ROBO1: variants seen among roughly 807,000 people sequenced by gnomAD.
The protein encoded by ROBO1 is roundabout homolog 1.
Under a neutral mutation model 195.9 loss-of-function variants are expected in ROBO1, and 149 were observed. That is an observed-to-expected ratio of 0.76 (90% CI 0.67 to 0.87). The LOEUF is 0.87. Among genes scored for constraint, ROBO1 ranks in the 40% least tolerant of loss-of-function variants. The pLI is 0.00. For missense variants in ROBO1, 1,933 were observed against 2,068.3 expected (o/e 0.93, Z 1.27); for synonymous variants, 816 against 733.2 (o/e 1.11, Z -1.82).
chr3:79,449,151 A>G (rs531425425), intron 2 of ROBO1, among the ~76,000 whole-genome samples: 2 of 152,234 alleles, frequency 1.3e-5, no homozygotes, highest in South Asian at 4.1e-4. Flanking sequence ...GGCTTGCTTG[A>G]AGCCAAGGTT....
chr3:78,965,561 C>G (rs1280489805), intron 3 of ROBO1, among the ~76,000 whole-genome samples: 1 of 151,962 alleles, frequency 6.6e-6, no homozygotes, highest in African/African-American at 2.4e-5. Context: ...GATTATCATT[C>G]CCAGGACAAG....
intron 2 of ROBO1, among the ~76,000 whole-genome samples, chr3:79,456,741 T>C (rs1023274551): frequency 3.3e-5 from 5 of 152,164 alleles, no homozygotes; most frequent in African/African-American, 1.2e-4. Context: ...ATTTAATAAA[T>C]AGCTATTTTT....
intron 3 of ROBO1, among the ~76,000 whole-genome samples, chr3:79,066,686 GTTC>G (rs1265323241): frequency 5.9e-5 from 9 of 151,852 alleles, no homozygotes; most frequent in East Asian, 3.9e-4. Flanking sequence ...TTCTCTCTTT[GTTC>G]TTCTTTTTAC....
intron 1 of ROBO1, among the ~76,000 whole-genome samples, chr3:79,663,381 C>T (rs1179433331): frequency 6.6e-6 from 1 of 152,050 alleles, no homozygotes; most frequent in Non-Finnish European, 1.5e-5. Context: ...TCAACATATA[C>T]CATTGTGCAC....
intron 4 of ROBO1, among the ~76,000 whole-genome samples, chr3:78,815,657 C>A (rs1191234098): frequency 6.6e-6 from 1 of 151,974 alleles, no homozygotes; most frequent in Non-Finnish European, 1.5e-5. Flanking sequence ...GTTCACAGCA[C>A]CTTCACTAGG....
chr3:78,682,024 T>C (rs373321435), intron 10 of ROBO1, among the ~76,000 whole-genome samples: 214 of 152,290 alleles, frequency 1.4e-3, no homozygotes, highest in African/African-American at 4.9e-3. Context: ...CACTTTATCC[T>C]GAGAACATTA....
chr3:79,367,480 T>C (rs2036022435), intron 2 of ROBO1, among the ~76,000 whole-genome samples: 1 of 152,228 alleles, frequency 6.6e-6, no homozygotes, highest in Non-Finnish European at 1.5e-5. Flanking sequence ...CAAGACTGAA[T>C]TGGAAGATTA....
At chr3:78,787,252 A>T (rs906402897) in intron 4 of ROBO1, among the ~76,000 whole-genome samples, 1 of 152,224 alleles carries the variant, frequency 6.6e-6, no homozygotes, top group South Asian at 2.1e-4. Context: ...TAATAACACT[A>T]ATCAGTAATT....
intron 2 of ROBO1, among the ~76,000 whole-genome samples, chr3:79,173,717 G>T (rs2081211037): frequency 6.6e-6 from 1 of 152,308 alleles, no homozygotes; most frequent in Middle Eastern, 3.4e-3. Flanking sequence ...GGCACAGGGT[G>T]CAGGACCGGC....
At chr3:79,736,099 T>C (rs1379233137) in intron 1 of ROBO1, among the ~76,000 whole-genome samples, 1 of 152,200 alleles carries the variant, frequency 6.6e-6, no homozygotes, top group Non-Finnish European at 1.5e-5. Context: ...GAGGAACTCC[T>C]TTACAAAAGG....
intron 2 of ROBO1, among the ~76,000 whole-genome samples, chr3:79,254,565 T>G (rs1275414198): frequency 6.6e-6 from 1 of 152,024 alleles, no homozygotes; most frequent in Non-Finnish European, 1.5e-5. Flanking sequence ...AGAGAAGAAC[T>G]AATAAAGATA....
chr3:79,241,629 A>G (rs2082519415), intron 2 of ROBO1, among the ~76,000 whole-genome samples: 1 of 151,450 alleles, frequency 6.6e-6, no homozygotes. Context: ...TATTAAACTC[A>G]TCTTACATAA....
rs564530713 is a variant in ROBO1 at position 79,158,760 on chromosome 3, A to G, written c.89-33221T>C. Reference sequence around the variant, plus strand: ...TTTCATTGTGTTATTCTGTTTATTCATGAACCAGCTTCACTCTATGTTCAT... The same window carrying G: ...TTTCATTGTGTTATTCTGTTTATTCGTGAACCAGCTTCACTCTATGTTCAT... On this transcript the variant is annotated intron_variant, in intron 2 of 30. Coordinates refer to ENST00000464233, the MANE Select transcript of ROBO1 (RefSeq NM_002941.4). 3.3e-5 allele frequency among the ~76,000 whole-genome samples: 5 copies of G among 151,888 alleles called. No individual in the cohort carries two copies. The East Asian group carries it at 9.7e-4, about 30-fold the overall frequency.
chr3:79,393,417 TA>T (rs1166870743), intron 2 of ROBO1, among the ~76,000 whole-genome samples: 6 of 152,212 alleles, frequency 3.9e-5, no homozygotes, highest in Non-Finnish European at 8.8e-5. Context: ...ATTCAGTACT[TA>T]AAAGAATAGA....
chr3:78,894,140 C>T (rs541281802), intron 4 of ROBO1, among the ~76,000 whole-genome samples: 3 of 152,130 alleles, frequency 2.0e-5, no homozygotes, highest in South Asian at 2.1e-4. Context: ...ATGGTTCTAA[C>T]GGTGGGAAAA....
At chr3:79,403,737 G>A (rs539544297) in intron 2 of ROBO1, among the ~76,000 whole-genome samples, 10 of 151,906 alleles carry the variant, frequency 6.6e-5, no homozygotes, top group African/African-American at 1.9e-4. Flanking sequence ...CATGAGTATC[G>A]TGAGAAAACC....
intron 2 of ROBO1, among the ~76,000 whole-genome samples, chr3:79,551,556 T>A (rs927745335): frequency 6.6e-6 from 1 of 152,072 alleles, no homozygotes; most frequent in Non-Finnish European, 1.5e-5. Flanking sequence ...TTTTGACAGA[T>A]AAAACAGCAA....
intron 5 of ROBO1, among the ~76,000 whole-genome samples, chr3:78,743,346 A>C (rs1015535618): frequency 2.6e-5 from 4 of 151,796 alleles, no homozygotes; most frequent in Non-Finnish European, 4.4e-5. Flanking sequence ...TACTCCATCT[A>C]CCAGCTGTAA....
chr3:78,814,697 T>C (rs11713976), intron 4 of ROBO1, among the ~76,000 whole-genome samples: 27,515 of 152,036 alleles, frequency 0.18, 3,273 homozygotes, highest in East Asian at 0.49. Flanking sequence ...TTCATAAAAA[T>C]ATAAGGAATC....
Sources: allele counts gnomAD v4.1 joint callset (sites outside exome capture counted in the v4.1 genomes callset), GRCh38; gene constraint gnomAD v4.1.1; transcripts MANE v1.5; gene names NCBI Gene and HGNC (gene_info 2026-07-23, HGNC 2026-07-21).